The following RGS9 variants were observed in gnomAD, a reference collection of about 807,000 sequenced individuals.
The protein encoded by RGS9 is regulator of G-protein signalling 9.
A neutral mutation model predicts 102.0 loss-of-function variants in RGS9; 78 were observed. The observed-to-expected ratio is 0.76, with a 90% CI of 0.64 to 0.92. The LOEUF is 0.92. RGS9 is among the 40% of genes least tolerant of loss of function. The pLI is 0.00. For missense variants in RGS9, 833 were observed against 866.1 expected, an observed-to-expected ratio of 0.96 and a Z score of 0.48; for synonymous variants, 353 against 318.6, an observed-to-expected ratio of 1.11 and a Z score of -1.15.
chr17:65,180,648 C>T (rs1911846801), intron 9 of RGS9, among the ~76,000 whole-genome samples: 1 of 152,198 alleles, frequency 6.6e-6, no homozygotes, highest in Middle Eastern at 3.2e-3. Flanking sequence ...CTGCGCCTGG[C>T]TATCAATCCT....
chr17:65,226,183 A>G (rs939908140), intron 18 of RGS9, among the ~76,000 whole-genome samples: 2 of 152,236 alleles, frequency 1.3e-5, no homozygotes, highest in African/African-American at 2.4e-5. Context: ...CGCCTGGATC[A>G]GAGCAGAAAG....
intron 7 of RGS9, among the ~76,000 whole-genome samples, chr17:65,164,005 G>A (rs570065289): frequency 1.3e-5 from 2 of 152,332 alleles, no homozygotes; most frequent in Admixed American, 6.5e-5. Flanking sequence ...GCATTTGCCT[G>A]TTGCCATATC....
intron 18 of RGS9, among the ~76,000 whole-genome samples, chr17:65,226,514 T>C (rs1274154565): frequency 6.6e-6 from 1 of 152,120 alleles, no homozygotes; most frequent in East Asian, 1.9e-4. Flanking sequence ...ATATTCCAGC[T>C]TTGGGGCCGC....
At position 65,137,608 on chromosome 17, in the gene RGS9, C is replaced by T. The variant is rs1411909615; in HGVS notation, c.57+11C>T. On this transcript the variant is annotated intron_variant, in intron 1 of 18. Coordinates refer to ENST00000262406, the MANE Select transcript of RGS9 (RefSeq NM_003835.4). The stretch of plus-strand genomic sequence containing the variant: ...GCATTTCTCCAAAAGGTAACCCTGG[C>T]CCCTCACCTGGACCCTGGGAGGAGG... The T allele has an allele frequency of 6.2e-7, 1 of 1,613,510 alleles. No homozygotes were observed. The highest frequency in any genetic ancestry group is 1.7e-5 in the Admixed American group (1 of 60,020).
chr17:65,177,603 T>G (rs1911693926), intron 8 of RGS9, 129 bp from the exon 9 acceptor site: 3 of 942,584 alleles, frequency 3.2e-6, no homozygotes, highest in Non-Finnish European at 5.3e-6. Flanking sequence ...CACTCAAAGC[T>G]TCCCATGGGC....
In RGS9 at chr17:65,197,376, CT is replaced by C. The variant is rs1912636543; in HGVS notation, c.976+138del. 9 of 693,014 alleles carry C rather than the reference CT, an allele frequency of 1.3e-5. 1 individual carries two copies. The South Asian group carries it at 1.4e-4, about 11-fold the overall frequency. 42.9% of individuals were successfully genotyped at this position (693,014 alleles called of 1,614,324 possible). A position where few individuals can be genotyped will look rare whatever the true frequency, so the allele number is the denominator to read the frequency against. On this transcript the variant is annotated intron_variant, in intron 13 of 18. Transcript: ENST00000262406. ...GCTTATGCCCTTAAACAGTTGCTTC[CT>C]TTCACAGCTTTAAGAATGGGACCTG...
chr17:65,165,631 C>G (rs576251497), intron 7 of RGS9, among the ~76,000 whole-genome samples: 4 of 152,222 alleles, frequency 2.6e-5, no homozygotes, highest in African/African-American at 7.2e-5. Flanking sequence ...TCCAGTATCA[C>G]CCATATCAGT....
At chr17:65,177,889 G>A in intron 9 of RGS9, 86 bp downstream of exon 9, 3 of 1,026,888 alleles carry the variant, frequency 2.9e-6, no homozygotes, top group Non-Finnish European at 4.6e-6. Context: ...GTGTCTGTTA[G>A]GGCAACGATA....
In RGS9 at chr17:65,225,228, C is replaced by T; in HGVS notation, c.1634C>T (p.Ser545Phe). ...GLEQKGECSG[S>F]MAPRGPSVTE... ...GAGCAGAAAGGGGAGTGCAGCGGGT[C>T]CATGGCCCCCCGTGGGCCCTCTGTC... The change falls in exon 18 of 19, where the codon TCC becomes TTC. Residue 545 changes from serine to phenylalanine, a missense_variant. Ser to Phe is a radical substitution (Grantham distance 155). This residue lies in a region of RGS9 where 320 missense variants were observed against 276.8 expected (regional missense o/e 1.16). Coordinates refer to ENST00000262406, the MANE Select transcript of RGS9 (RefSeq NM_003835.4). 6.2e-7 allele frequency: 1 copy of T among 1,611,696 alleles called. No individual in the cohort carries two copies. The highest frequency in any genetic ancestry group is 8.5e-7 in the Non-Finnish European group (1 of 1,180,012).
At chr17:65,212,547 G>A (rs950212975) in intron 17 of RGS9, among the ~76,000 whole-genome samples, 1 of 152,204 alleles carries the variant, frequency 6.6e-6, no homozygotes, top group African/African-American at 2.4e-5. Flanking sequence ...AGAGTGAACC[G>A]AAAGGCCAGG....
At chr17:65,206,739 C>T (rs16961230) in intron 15 of RGS9, among the ~76,000 whole-genome samples, 13,230 of 152,108 alleles carry the variant, frequency 0.087, 801 homozygotes, top group African/African-American at 0.15. Context: ...TTAGGGGATG[C>T]CCAGGGAGGC....
chr17:65,187,148 G>T (rs1440819321), intron 9 of RGS9, among the ~76,000 whole-genome samples: 5 of 152,102 alleles, frequency 3.3e-5, no homozygotes, highest in African/African-American at 4.8e-5. Context: ...CTTAGAAAAT[G>T]TCCCCATTCT....
At chr17:65,195,585 T>G (rs1392339174) in intron 12 of RGS9, among the ~76,000 whole-genome samples, 2 of 152,180 alleles carry the variant, frequency 1.3e-5, no homozygotes, top group Admixed American at 6.5e-5. Flanking sequence ...CCCTTTCCCC[T>G]GAGTCCCCGA....
At chr17:65,203,454 C>T (rs994793994) in intron 14 of RGS9, among the ~76,000 whole-genome samples, 3 of 152,212 alleles carry the variant, frequency 2.0e-5, no homozygotes, top group Non-Finnish European at 4.4e-5. Flanking sequence ...CTTCCCCAGG[C>T]TCCCTGGTTA....
In RGS9 at chr17:65,215,497, GTTCTTTCTTTCTTTCTTTCT is replaced by G. The variant is rs779043184; in HGVS notation, c.1407+4923_1407+4942del. ...TTCTCTATCTTTCTTTCGTTCTTTC[GTTCTTTCTTTCTTTCTTTCT>G]TTCTTTCTTTCTTTCTTTCTTTCTT... is the stretch of plus-strand genomic sequence containing the variant. On this transcript the variant is annotated intron_variant, in intron 17 of 18. Coordinates refer to ENST00000262406, the MANE Select transcript of RGS9 (RefSeq NM_003835.4). Among the ~76,000 whole-genome samples the G allele has an allele frequency of 1.9e-4, 25 of 133,648 alleles. 1 individual carries two copies. In the South Asian group the frequency reaches 3.9e-3, roughly 21 times the overall value. 87.7% of individuals were successfully genotyped at this position (133,648 alleles called of 152,430 possible). A position where few individuals can be genotyped will look rare whatever the true frequency, so the allele number is the denominator to read the frequency against.
chr17:65,168,336 T>A, intron 8 of RGS9, 55 bp downstream of exon 8: 1 of 1,196,076 alleles, frequency 8.4e-7, no homozygotes, highest in Admixed American at 1.9e-5. Context: ...CCCACCTCCA[T>A]CCTGTGCTCT....
chr17:65,177,860 G>A (rs1042169537), intron 9 of RGS9, 57 bp downstream of exon 9: 48 of 1,371,908 alleles, frequency 3.5e-5, no homozygotes, highest in Non-Finnish European at 4.7e-5. Flanking sequence ...GGGCTGGGAA[G>A]GTGTCCACAT....
intron 9 of RGS9, among the ~76,000 whole-genome samples, chr17:65,183,063 T>TCTAC (rs201193030): frequency 0.55 from 42,405 of 77,292 alleles, 9,050 homozygotes; most frequent in African/African-American, 0.68. Context: ...TTTTTTTAAA[T>TCTAC]CTATCTATCT....
rs144779889 is a variant in RGS9, at chr17:65,137,892, G to C, written c.57+295G>C. The stretch of plus-strand genomic sequence containing the variant: ...TCAGTTCAGGCTGTGGCAGATTTGA[G>C]ACAGCCTGCTGATATTGTTGTAAGA... On this transcript the variant is annotated intron_variant, in intron 1 of 18. Coordinates refer to ENST00000262406, the MANE Select transcript of RGS9 (RefSeq NM_003835.4). 2.6e-3 allele frequency among the ~76,000 whole-genome samples: 395 copies of C among 152,348 alleles called. 1 individual carries two copies. The highest frequency in any genetic ancestry group is 4.5e-3 in the Non-Finnish European group (304 of 68,028).
Sources: gnomAD v4.1 joint callset for allele counts (sites outside exome capture counted in the v4.1 genomes callset) on GRCh38, gnomAD v4.1.1 for gene constraint, gnomAD v4.1.1 regional missense constraint, MANE v1.5 for transcripts, NCBI Gene and HGNC (gene_info 2026-07-23, HGNC 2026-07-21) for gene names.